Variants in EDIL3 observed in about 807,000 individuals in gnomAD.
The protein encoded by EDIL3 is EGF like and discoidin domains 3, also known as EGF-like repeat and discoidin I-like domain-containing protein 3.
EDIL3 carries 37 observed loss-of-function variants against 67.4 expected under a neutral mutation model. The observed-to-expected ratio is 0.55, with a 90% CI of 0.42 to 0.72. EDIL3 has a LOEUF of 0.72. Among genes scored for constraint, EDIL3 ranks in the 30% least tolerant of loss-of-function variants. The pLI, the probability that EDIL3 is intolerant of heterozygous loss-of-function variation, is 0.00. For missense variants in EDIL3, 527 were observed against 586.3 expected (o/e 0.90, Z 1.04); for synonymous variants, 195 against 196.3 (o/e 0.99, Z 0.05).
chr5:84,265,967 C>T (rs1483552926), intron 1 of EDIL3, among the ~76,000 whole-genome samples: 1 of 152,084 alleles, frequency 6.6e-6, no homozygotes, highest in Non-Finnish European at 1.5e-5. Context: ...TAGGGAACAA[C>T]CTAATTGTAA....
chr5:84,264,277 C>T (rs1337100106), intron 1 of EDIL3, among the ~76,000 whole-genome samples: 1 of 152,058 alleles, frequency 6.6e-6, no homozygotes, highest in Non-Finnish European at 1.5e-5. Context: ...TGAAGGAGTT[C>T]CCATTTGAAG....
At chr5:83,963,571 C>G (rs1266833638) in intron 9 of EDIL3, among the ~76,000 whole-genome samples, 1 of 151,270 alleles carries the variant, frequency 6.6e-6, no homozygotes. Context: ...CTTGAACAAC[C>G]ATTTTTACCA....
At chr5:83,952,735 T>C (rs1744443540) in intron 10 of EDIL3, among the ~76,000 whole-genome samples, 1 of 151,844 alleles carries the variant, frequency 6.6e-6, no homozygotes, top group South Asian at 2.1e-4. Flanking sequence ...TTTGAGACTC[T>C]ACCCCTGACT....
At chr5:84,253,331 A>C (rs1051538908) in intron 2 of EDIL3, among the ~76,000 whole-genome samples, 5 of 152,148 alleles carry the variant, frequency 3.3e-5, no homozygotes, top group Non-Finnish European at 7.4e-5. Flanking sequence ...GAAAAATATA[A>C]ATTTTTTTCA....
intron 4 of EDIL3, among the ~76,000 whole-genome samples, chr5:84,173,679 C>A (rs1748852228): frequency 6.6e-6 from 1 of 152,178 alleles, no homozygotes; most frequent in South Asian, 2.1e-4. Flanking sequence ...TGGCATCCAT[C>A]ACAAACCACC....
intron 9 of EDIL3, among the ~76,000 whole-genome samples, chr5:84,039,461 T>C (rs1198020693): frequency 2.0e-5 from 3 of 152,170 alleles, no homozygotes; most frequent in Admixed American, 6.5e-5. Flanking sequence ...AATTTAAGCA[T>C]ATTTGCTTGA....
intron 4 of EDIL3, among the ~76,000 whole-genome samples, chr5:84,173,651 A>G (rs1277249771): frequency 1.3e-5 from 2 of 152,130 alleles, no homozygotes; most frequent in African/African-American, 4.8e-5. Context: ...CAGACTTGAG[A>G]TGAGTAAAAT....
At chr5:84,310,516 C>A (rs1580070008) in intron 1 of EDIL3, among the ~76,000 whole-genome samples, 1 of 151,852 alleles carries the variant, frequency 6.6e-6, no homozygotes, top group South Asian at 2.1e-4. Flanking sequence ...TCTAGTATGC[C>A]CTAGATGACA....
Position 84,132,417 on chromosome 5 carries a change from T to TAA in EDIL3, c.469+4823_469+4824insTT, listed in dbSNP as rs1561440686. 6.0e-4 allele frequency among the ~76,000 whole-genome samples: 70 copies of TAA among 116,162 alleles called. 2 individuals carry two copies. The highest frequency in any genetic ancestry group is 2.6e-3 in the African/African-American group (67 of 26,250). 76.2% of individuals were successfully genotyped at this position (116,162 alleles called of 152,430 possible). ...TATATAATATATATTTTAACATATA[T>TAA]TATATATTTTATATATAATATATAT... On this transcript the variant is annotated intron_variant, in intron 5 of 10. Transcript: ENST00000296591.
intron 9 of EDIL3, among the ~76,000 whole-genome samples, chr5:83,994,071 T>C (rs746831736): frequency 2.0e-5 from 3 of 152,210 alleles, no homozygotes; most frequent in Non-Finnish European, 2.9e-5. Flanking sequence ...AACATGGTTA[T>C]GTTAAACGGT....
At chr5:83,970,526 G>T (rs1008074295) in intron 9 of EDIL3, among the ~76,000 whole-genome samples, 3 of 147,746 alleles carry the variant, frequency 2.0e-5, no homozygotes, top group African/African-American at 7.4e-5. Flanking sequence ...TACTTGATTA[G>T]ATCAGTTAAA....
chr5:84,114,148 G>GTTT (rs918208407), intron 5 of EDIL3, among the ~76,000 whole-genome samples: 171 of 109,692 alleles, frequency 1.6e-3, no homozygotes, highest in Non-Finnish European at 1.7e-3. Flanking sequence ...GAACCCTAAA[G>GTTT]TTTTTTTTTT....
At chr5:84,315,636 T>A (rs1377875439) in intron 1 of EDIL3, among the ~76,000 whole-genome samples, 4 of 152,152 alleles carry the variant, frequency 2.6e-5, no homozygotes, top group African/African-American at 9.7e-5. Flanking sequence ...ATTTCTATGG[T>A]TCATTACTAG....
intron 5 of EDIL3, among the ~76,000 whole-genome samples, chr5:84,124,522 T>C (rs1375564318): frequency 6.6e-6 from 1 of 151,920 alleles, no homozygotes; most frequent in Non-Finnish European, 1.5e-5. Context: ...GATGCTATTG[T>C]CACCTGCTAA....
chr5:84,213,503 T>G lies in EDIL3; in HGVS notation c.226+16352A>C, dbSNP rs534628444. On this transcript the variant is annotated intron_variant, in intron 3 of 10. Coordinates refer to ENST00000296591, the MANE Select transcript of EDIL3 (RefSeq NM_005711.5). Reference sequence around the variant, plus strand: ...TCTGTACAGTGGTTTTAATTCTTCGTTTTTACTATTGAGAAATGTATAGCT... The same window carrying G: ...TCTGTACAGTGGTTTTAATTCTTCGGTTTTACTATTGAGAAATGTATAGCT... Among the ~76,000 whole-genome samples, 7 of 152,308 alleles carry G rather than the reference T, an allele frequency of 4.6e-5. No homozygotes were observed. In the South Asian group the frequency reaches 1.4e-3, roughly 32 times the overall value.
At chr5:84,269,159 T>C (rs764799849) in intron 1 of EDIL3, among the ~76,000 whole-genome samples, 9 of 152,192 alleles carry the variant, frequency 5.9e-5, no homozygotes, top group Non-Finnish European at 1.2e-4. Flanking sequence ...TGGCACATTG[T>C]TCCATTTCAA....
chr5:84,137,740 C>A (rs1748119341), intron 4 of EDIL3, among the ~76,000 whole-genome samples: 1 of 152,140 alleles, frequency 6.6e-6, no homozygotes, highest in Non-Finnish European at 1.5e-5. Flanking sequence ...GCAACAACTG[C>A]CAATTAACAC....
At chr5:84,026,888 C>T (rs1561407490) in intron 9 of EDIL3, among the ~76,000 whole-genome samples, 1 of 151,994 alleles carries the variant, frequency 6.6e-6, no homozygotes, top group Non-Finnish European at 1.5e-5. Flanking sequence ...GAGTTTGAGA[C>T]CAGCCTGGCA....
chr5:84,090,639 T>G (rs887321493), intron 6 of EDIL3, among the ~76,000 whole-genome samples: 5 of 152,132 alleles, frequency 3.3e-5, no homozygotes, highest in Non-Finnish European at 5.9e-5. Flanking sequence ...ATGAATGAAC[T>G]GCTTGTTTAT....
Sources: allele counts gnomAD v4.1 joint callset (sites outside exome capture counted in the v4.1 genomes callset), GRCh38; gene constraint gnomAD v4.1.1; transcripts MANE v1.5; gene names NCBI Gene and HGNC (gene_info 2026-07-23, HGNC 2026-07-21).